Variants in REPS1 observed in about 807,000 individuals in gnomAD.
REPS1 encodes RALBP1 associated Eps domain containing 1, also known as ralBP1-associated Eps domain-containing protein 1.
A neutral mutation model predicts 100.9 loss-of-function variants in REPS1; 39 were observed. The observed-to-expected ratio is 0.39, with a 90% CI of 0.30 to 0.50. REPS1 has a LOEUF of 0.50. Ranked by LOEUF, REPS1 falls within the 20% of genes least tolerant of loss-of-function variation. The pLI is 0.86. For synonymous variants in REPS1, 324 were observed against 340.3 expected, an observed-to-expected ratio of 0.95 and a Z score of 0.53; for missense variants, 821 against 968.5, an observed-to-expected ratio of 0.85 and a Z score of 2.02.
chr6:138,957,460 G>C (rs1422662459), intron 1 of REPS1, among the ~76,000 whole-genome samples: 1 of 152,192 alleles, frequency 6.6e-6, no homozygotes, highest in Non-Finnish European at 1.5e-5. Context: ...GGAAAGAATG[G>C]ACATTTTCAA....
chr6:138,957,125 A>G (rs1190955647), intron 1 of REPS1, among the ~76,000 whole-genome samples: 1 of 152,174 alleles, frequency 6.6e-6, no homozygotes, highest in Non-Finnish European at 1.5e-5. Flanking sequence ...GTAAATCATT[A>G]AAGTAAGAGA....
In REPS1 at chr6:138,912,950, C is replaced by T; in HGVS notation, c.1786G>A (p.Ala596Thr). The T allele has an allele frequency of 1.2e-6, 2 of 1,612,162 alleles. No individual in the cohort carries two copies. The highest frequency in any genetic ancestry group is 1.3e-5 in the African/African-American group (1 of 74,906). Residue 596 changes from alanine (A) to threonine (T), a missense_variant and splice_region_variant, in exon 16 of 20, where the codon GCT (alanine) becomes ACT (threonine). Around this residue, in one of 3 missense-constraint regions of REPS1, gnomAD observed 757 missense variants for 866.4 expected, o/e 0.87. Coordinates refer to ENST00000450536, the MANE Select transcript of REPS1 (RefSeq NM_001286611.2). ...AVPPRPQPSQ[A>T]PGPAVHRPVD... Reference sequence around the variant, plus strand: ...GGGCGATGCACAGCAGGACCAGGAGCCTGTGCAATGGTTCAGAACAGAGGA... The same window carrying T: ...GGGCGATGCACAGCAGGACCAGGAGTCTGTGCAATGGTTCAGAACAGAGGA...
intron 1 of REPS1, among the ~76,000 whole-genome samples, chr6:138,979,187 A>AAC (rs1418304343): frequency 2.0e-5 from 3 of 147,568 alleles, no homozygotes; most frequent in African/African-American, 5.2e-5. Flanking sequence ...TCACAAAAAA[A>AAC]AAAAAAAAAA....
chr6:138,937,521 T>TA (rs72011121), intron 8 of REPS1, among the ~76,000 whole-genome samples: 13,346 of 151,952 alleles, frequency 0.088, 1,235 homozygotes, highest in African/African-American at 0.23. Flanking sequence ...TTCTCTGGCT[T>TA]AAAAAAAATT....
chr6:138,935,373 C>T (rs926452415), intron 8 of REPS1, among the ~76,000 whole-genome samples: 1 of 152,016 alleles, frequency 6.6e-6, no homozygotes, highest in African/African-American at 2.4e-5. Context: ...TATTATAGTT[C>T]AAAGAATATT....
At chr6:138,958,231 G>A (rs765550200) in intron 1 of REPS1, among the ~76,000 whole-genome samples, 11 of 152,218 alleles carry the variant, frequency 7.2e-5, no homozygotes, top group Non-Finnish European at 1.0e-4. Context: ...TGAAGAAAGA[G>A]TTTAATAAGT....
chr6:138,911,786 T>TG (rs1780028097), intron 16 of REPS1, among the ~76,000 whole-genome samples: 1 of 146,394 alleles, frequency 6.8e-6, no homozygotes, highest in Admixed American at 6.8e-5. Flanking sequence ...AGGTAGTAGA[T>TG]GTGTGAGGGA....
chr6:138,938,195 A>T (rs908489438), intron 8 of REPS1, among the ~76,000 whole-genome samples: 1 of 152,230 alleles, frequency 6.6e-6, no homozygotes, highest in Non-Finnish European at 1.5e-5. Context: ...TCAGGTCGAC[A>T]GAAGTACTTC....
At chr6:138,974,528 T>C (rs1784497722) in intron 1 of REPS1, among the ~76,000 whole-genome samples, 1 of 152,128 alleles carries the variant, frequency 6.6e-6, no homozygotes, top group South Asian at 2.1e-4. Flanking sequence ...TCCAAATGTG[T>C]TTTGGGTTTA....
chr6:138,934,246 G>C, intron 8 of REPS1: 1 of 458,860 alleles, frequency 2.2e-6, no homozygotes, highest in Non-Finnish European at 4.6e-6. Context: ...TTCCAACCTA[G>C]CCTCCTGCTG....
chr6:138,909,946 A>C (rs1243144721), intron 17 of REPS1, among the ~76,000 whole-genome samples: 1 of 152,224 alleles, frequency 6.6e-6, no homozygotes, highest in African/African-American at 2.4e-5. Context: ...TCTAGATAAC[A>C]GAAAAAAAAA....
At chr6:138,941,277 A>T in intron 8 of REPS1, 58 bp downstream of exon 8, 3 of 1,563,594 alleles carry the variant, frequency 1.9e-6, no homozygotes, top group Non-Finnish European at 2.6e-6. Context: ...TTTCTTTCAG[A>T]ATCAAGCATT....
At chr6:138,942,613 T>C (rs1782337250) in intron 7 of REPS1, among the ~76,000 whole-genome samples, 1 of 152,090 alleles carries the variant, frequency 6.6e-6, no homozygotes, top group African/African-American at 2.4e-5. Context: ...TGCTAATTTT[T>C]TTCTTTTTAA....
At chr6:138,942,235 G>A (rs1782309039) in intron 7 of REPS1, among the ~76,000 whole-genome samples, 1 of 152,116 alleles carries the variant, frequency 6.6e-6, no homozygotes, top group South Asian at 2.1e-4. Context: ...CCCTTTCCTA[G>A]ATACAGACAA....
At chr6:138,928,636 G>A (rs1482009138) in intron 9 of REPS1, 2 of 152,074 alleles carry the variant, frequency 1.3e-5, no homozygotes, top group East Asian at 1.9e-4. Context: ...GATCACATAC[G>A]ATTTTATTTA....
At chr6:138,919,488 T>C (rs530883952) in intron 12 of REPS1, among the ~76,000 whole-genome samples, 2 of 152,360 alleles carry the variant, frequency 1.3e-5, no homozygotes, top group Admixed American at 6.5e-5. Context: ...AAAGAAAGTC[T>C]GACACTGCCT....
At chr6:138,918,726 T>C (rs560564103) in intron 12 of REPS1, among the ~76,000 whole-genome samples, 1 of 152,312 alleles carries the variant, frequency 6.6e-6, no homozygotes, top group South Asian at 2.1e-4. Flanking sequence ...GCTTATACAA[T>C]AATAATAATT....
chr6:138,969,859 A>AGTTTTTTTT (rs1784235215), intron 1 of REPS1, among the ~76,000 whole-genome samples: 1 of 94,636 alleles, frequency 1.1e-5, no homozygotes, highest in Non-Finnish European at 1.9e-5. Flanking sequence ...GTGAATTGGG[A>AGTTTTTTTT]TTTTTTTTTT....
intron 16 of REPS1, 68 bp from the exon 17 acceptor site, chr6:138,911,439 G>T: frequency 1.0e-6 from 1 of 1,000,440 alleles, no homozygotes; most frequent in Non-Finnish European, 1.6e-6. Context: ...TATAGAATAT[G>T]TACCAAATCA....
Sources: gnomAD v4.1 joint callset for allele counts (sites outside exome capture counted in the v4.1 genomes callset) on GRCh38, gnomAD v4.1.1 for gene constraint, gnomAD v4.1.1 regional missense constraint, MANE v1.5 for transcripts, NCBI Gene and HGNC (gene_info 2026-07-23, HGNC 2026-07-21) for gene names.